Variants in GNAZ observed in about 807,000 individuals in gnomAD.
The protein encoded by GNAZ is guanine nucleotide-binding protein G(z) subunit alpha.
A neutral mutation model predicts 25.4 loss-of-function variants in GNAZ; 3 were observed. The ratio of observed to expected loss-of-function variants is 0.12; its 90% confidence interval spans 0.05 to 0.30. The LOEUF (loss-of-function observed/expected upper bound fraction) is 0.30, where lower values mean the gene tolerates loss of function less well. Ranked by LOEUF, GNAZ falls within the 10% of genes least tolerant of loss-of-function variation. GNAZ has a pLI of 1.00. For missense variants in GNAZ, 241 were observed against 501.8 expected, an observed-to-expected ratio of 0.48 and a Z score of 4.97; for synonymous variants, 211 against 205.7, an observed-to-expected ratio of 1.03 and a Z score of -0.22.
intron 2 of GNAZ, among the ~76,000 whole-genome samples, chr22:23,099,824 G>T (rs2069242412): frequency 6.6e-6 from 1 of 152,268 alleles, no homozygotes; most frequent in Non-Finnish European, 1.5e-5. Flanking sequence ...GACAGACACA[G>T]GTGGCTGTGA....
chr22:23,111,028 G>C (rs550435534), intron 2 of GNAZ, among the ~76,000 whole-genome samples: 20 of 152,214 alleles, frequency 1.3e-4, no homozygotes, highest in African/African-American at 4.1e-4. Context: ...TTCGAATGAG[G>C]GGGTAGGATA....
In GNAZ at chr22:23,124,292, CT is replaced by C. The variant is rs781604542; in HGVS notation, c.*867del. On this transcript the variant is annotated 3_prime_UTR_variant, in exon 3 of 3. Transcript: ENST00000615612. ...AAAATTTCAAATGCAGTTGAGTATTCTTTTTTAAATGCAGATTTTCAAAACA... is the reference window on the plus strand; with the variant it reads ...AAAATTTCAAATGCAGTTGAGTATTCTTTTTAAATGCAGATTTTCAAAACA... 1 of 219,300 alleles carries C rather than the reference CT, an allele frequency of 4.6e-6. No homozygotes were observed. Among genetic ancestry groups the C allele is most frequent in the South Asian group, 4.4e-5 (1 of 22,578 alleles). 13.6% of individuals were successfully genotyped at this position (219,300 alleles called of 1,614,324 possible).
chr22:23,078,675 G>A (rs1223774807), intron 1 of GNAZ, among the ~76,000 whole-genome samples: 1 of 152,252 alleles, frequency 6.6e-6, no homozygotes, highest in African/African-American at 2.4e-5. Context: ...CTCTGGGTGG[G>A]CCAGGGTTTG....
At chr22:23,110,527 CAG>C (rs1328604341) in intron 2 of GNAZ, among the ~76,000 whole-genome samples, 3 of 152,332 alleles carry the variant, frequency 2.0e-5, no homozygotes, top group Admixed American at 2.0e-4. Flanking sequence ...CTTAAAGAGA[CAG>C]AGGGAGAGCA....
chr22:23,113,185 G>A (rs1953410087), intron 2 of GNAZ, among the ~76,000 whole-genome samples: 1 of 152,210 alleles, frequency 6.6e-6, no homozygotes, highest in Admixed American at 6.5e-5. Flanking sequence ...ACAGCTGAGT[G>A]TTCTGACGTT....
At chr22:23,086,507 C>T (rs905835728) in intron 1 of GNAZ, among the ~76,000 whole-genome samples, 2 of 152,236 alleles carry the variant, frequency 1.3e-5, no homozygotes, top group Non-Finnish European at 2.9e-5. Flanking sequence ...CCTTCCTCTC[C>T]TCCCAGTGGC....
rs1601741037 is a variant in GNAZ at position 23,071,431 on chromosome 22, G to A, written c.-450+861G>A. Among the ~76,000 whole-genome samples the A allele has an allele frequency of 6.6e-6, 1 of 152,222 alleles. No individual in the cohort carries two copies. The highest frequency in any genetic ancestry group is 2.1e-4 in the South Asian group (1 of 4,836). On this transcript the variant is annotated intron_variant, in intron 1 of 2. Coordinates refer to ENST00000615612, the MANE Select transcript of GNAZ (RefSeq NM_002073.4). This position sits in a 1 kb window ranked among gnomAD's most constrained non-coding sequence, Gnocchi z 4.1. ...AGTCCGTGTTGGGGTGGAGGGACCCGCCTGGTAGAGAGGTCTGTCTTGCTT... is the reference window on the plus strand; with the variant it reads ...AGTCCGTGTTGGGGTGGAGGGACCCACCTGGTAGAGAGGTCTGTCTTGCTT...
At chr22:23,099,144 AG>A (rs1160136969) in intron 2 of GNAZ, among the ~76,000 whole-genome samples, 1 of 152,178 alleles carries the variant, frequency 6.6e-6, no homozygotes, top group African/African-American at 2.4e-5. Flanking sequence ...AAGGAGCCAC[AG>A]CCCCCCGGCC....
At chr22:23,112,821 C>CAGGGAG (rs1460481454) in intron 2 of GNAZ, among the ~76,000 whole-genome samples, 1 of 152,116 alleles carries the variant, frequency 6.6e-6, no homozygotes, top group African/African-American at 2.4e-5. Flanking sequence ...GACCTGGCTG[C>CAGGGAG]AGGGAGCAAG....
chr22:23,095,451 C>T lies in GNAZ; in HGVS notation c.-245C>T. 1 of 527,456 alleles carries T rather than the reference C, an allele frequency of 1.9e-6. No homozygotes were observed. Among genetic ancestry groups the T allele is most frequent in the South Asian group, 2.7e-5 (1 of 36,958 alleles). 32.7% of individuals were successfully genotyped at this position (527,456 alleles called of 1,614,324 possible). A position where few individuals can be genotyped will look rare whatever the true frequency, so the allele number is the denominator to read the frequency against. On this transcript the variant is annotated 5_prime_UTR_variant, in exon 2 of 3. Coordinates refer to ENST00000615612, the MANE Select transcript of GNAZ (RefSeq NM_002073.4). ...ACTACGGCAAATCAGGCCACTTTGC[C>T]AACTAGGGAGGTGGAGTGTCACTAG...
At chr22:23,122,347 C>T (rs1157266947) in intron 2 of GNAZ, 1 of 152,580 alleles carries the variant, frequency 6.6e-6, no homozygotes, top group African/African-American at 2.4e-5. Flanking sequence ...CCACCACACT[C>T]CTGTCCTCTG....
chr22:23,085,159 G>T (rs1308132118), intron 1 of GNAZ, among the ~76,000 whole-genome samples: 1 of 152,176 alleles, frequency 6.6e-6, no homozygotes, highest in Admixed American at 6.5e-5. Context: ...CATCTGCGGG[G>T]TCAGCTCTGG....
Position 23,124,547 on chromosome 22 carries a change from T to C in GNAZ, c.*1116T>C, listed in dbSNP as rs927480490. On this transcript the variant is annotated 3_prime_UTR_variant, in exon 3 of 3. Coordinates refer to ENST00000615612, the MANE Select transcript of GNAZ (RefSeq NM_002073.4). ...TAAACACGACATATTTAAAGAAGGT[T>C]CTTTCACCTGGGAGCAAATGAACAA... 3.7e-6 allele frequency: 1 copy of C among 273,198 alleles called. No individual in the cohort carries two copies. The highest frequency in any genetic ancestry group is 8.3e-6 in the Non-Finnish European group (1 of 121,090). 16.9% of individuals were successfully genotyped at this position (273,198 alleles called of 1,614,324 possible).
At chr22:23,116,720 G>C (rs2069847306) in intron 2 of GNAZ, among the ~76,000 whole-genome samples, 1 of 152,212 alleles carries the variant, frequency 6.6e-6, no homozygotes, top group Non-Finnish European at 1.5e-5. Flanking sequence ...CCCAGCCCAG[G>C]CGCTTGTCCC....
At chr22:23,108,306 A>G (rs2069543891) in intron 2 of GNAZ, among the ~76,000 whole-genome samples, 1 of 152,242 alleles carries the variant, frequency 6.6e-6, no homozygotes, top group Non-Finnish European at 1.5e-5. Flanking sequence ...GGGCAATGAG[A>G]ACAGGGGCCA....
At position 23,114,362 on chromosome 22, in the gene GNAZ, T is replaced by C. The variant is rs2069754843; in HGVS notation, c.724-8725T>C. On this transcript the variant is annotated intron_variant, in intron 2 of 2. Coordinates refer to ENST00000615612, the MANE Select transcript of GNAZ (RefSeq NM_002073.4). ...GGACTTGCTCTACAGATGAGGAAAC[T>C]GAGGCCCAGGGTGGGACAGACCGGC... Among the ~76,000 whole-genome samples, 6 of 152,316 alleles carry C rather than the reference T, an allele frequency of 3.9e-5. No individual in the cohort carries two copies. In the South Asian group the frequency reaches 1.2e-3, roughly 32 times the overall value.
intron 2 of GNAZ, among the ~76,000 whole-genome samples, chr22:23,118,863 G>GCAGGC (rs1054641690): frequency 3.3e-5 from 5 of 152,206 alleles, no homozygotes; most frequent in African/African-American, 2.4e-5. Flanking sequence ...AAAACCCCAT[G>GCAGGC]CAGGCCAGGC....
Position 23,096,014 on chromosome 22 carries a change from C to G in GNAZ, c.319C>G (p.Leu107Val). 1 of 1,607,688 alleles carries G rather than the reference C, an allele frequency of 6.2e-7. No homozygotes were observed. The highest frequency in any genetic ancestry group is 8.5e-7 in the Non-Finnish European group (1 of 1,179,972). ...CGACCGCGCCTACGACGCTGTGCAG[C>G]TCTTTGCGCTGACGGGCCCCGCTGA... ...NPDRAYDAVQ[L>V]FALTGPAESK... is the part of the protein sequence containing the mutation. The change falls in exon 2 of 3, where the codon CTC (leucine) becomes GTC (valine). Residue 107 changes from leucine (L) to valine (V), a missense_variant. By Grantham distance (32) the Leu-to-Val change is conservative. Transcript: ENST00000615612.
At chr22:23,084,831 C>T (rs986849892) in intron 1 of GNAZ, among the ~76,000 whole-genome samples, 3 of 152,190 alleles carry the variant, frequency 2.0e-5, no homozygotes, top group African/African-American at 4.8e-5. Context: ...TGAGTGTGGG[C>T]GTGGACACCA....
Sources: allele counts gnomAD v4.1 joint callset (sites outside exome capture counted in the v4.1 genomes callset), GRCh38; gene constraint gnomAD v4.1.1; non-coding constraint Gnocchi (gnomAD v3.1); transcripts MANE v1.5; gene names NCBI Gene and HGNC (gene_info 2026-07-23, HGNC 2026-07-21).